The following GABRD variants were observed in gnomAD, a reference collection of about 807,000 sequenced individuals.
GABRD encodes the protein gamma-aminobutyric acid receptor subunit delta.
In GABRD, 25 loss-of-function variants were observed where a neutral mutation model predicts 47.3. The ratio of observed to expected loss-of-function variants is 0.53; its 90% CI spans 0.39 to 0.74. The LOEUF is 0.74. GABRD is among the 30% of genes least tolerant of loss of function. GABRD has a pLI of 0.00. For missense variants in GABRD, 497 were observed against 643.4 expected (o/e 0.77, Z 2.46); for synonymous variants, 314 against 278.8 (o/e 1.13, Z -1.26).
chr1:2,027,792 A>AAGCCTGGGCAGGAGGAGAAGG (rs1354688081), intron 5 of GABRD, 133 bp downstream of exon 5: 2 of 828,346 alleles, frequency 2.4e-6, no homozygotes, highest in Non-Finnish European at 4.0e-6. Flanking sequence ...TGCATGCAAG[A>AAGCCTGGGCAGGAGGAGAAGG]AGCCTGGGCA....
chr1:2,029,038 C>T, intron 6 of GABRD, 73 bp from the exon 7 acceptor site: 1 of 1,522,960 alleles, frequency 6.6e-7, no homozygotes, highest in Non-Finnish European at 8.8e-7. Flanking sequence ...CTGCCAAGCC[C>T]TGCAGCCCCT....
At chr1:2,025,168 C>T in intron 2 of GABRD, 114 bp downstream of exon 2, 2 of 1,264,790 alleles carry the variant, frequency 1.6e-6, no homozygotes, top group East Asian at 2.4e-5. Flanking sequence ...CTGGCTCTCC[C>T]CTGGGGGGCT....
At position 2,025,696 on chromosome 1, in the gene GABRD, T is replaced by C. The variant is rs1343461932; in HGVS notation, c.428T>C (p.Leu143Pro). ...CACGACGTGACGGTGGAGAACAAGC[T>C]CATCCGGCTGCAGCCCGACGGCGTG... ...WFHDVTVENK[L>P]IRLQPDGVIL... is the part of the protein sequence containing the mutation. The change falls in exon 4 of 9, where the codon CTC becomes CCC. Residue 143 changes from leucine (L) to proline (P), a missense_variant. By Grantham distance (98) the Leu-to-Pro change is moderately conservative. This residue lies in a region of GABRD where 285 missense variants were observed against 436.6 expected (regional missense o/e 0.65). Coordinates refer to ENST00000378585, the MANE Select transcript of GABRD (RefSeq NM_000815.5). 6.2e-7 allele frequency: 1 copy of C among 1,612,894 alleles called. No individual in the cohort carries two copies. The highest frequency in any genetic ancestry group is 2.2e-5 in the East Asian group (1 of 44,874).
rs368572778 is a variant in GABRD, at chr1:2,029,545, C to G, written c.848-6C>G. On this transcript the variant is annotated splice_polypyrimidine_tract_variant and splice_region_variant and intron_variant, in intron 7 of 8. Transcript: ENST00000378585. Reference sequence around the variant, plus strand: ...CTACGACAATGGCACCACCTGTGCCCGGCAGGCATCACCACGGTGCTGACG... The same window carrying G: ...CTACGACAATGGCACCACCTGTGCCGGGCAGGCATCACCACGGTGCTGACG... 6.2e-7 allele frequency: 1 copy of G among 1,612,104 alleles called. No homozygotes were observed. The highest frequency in any genetic ancestry group is 8.5e-7 in the Non-Finnish European group (1 of 1,179,934).
intron 4 of GABRD, among the ~76,000 whole-genome samples, chr1:2,026,321 CG>C (rs1228177297): frequency 6.6e-6 from 1 of 152,242 alleles, no homozygotes; most frequent in Admixed American, 6.5e-5. Flanking sequence ...CAGTGGAAGC[CG>C]GAGTCAGGGG....
chr1:2,025,600 T>A lies in GABRD; in HGVS notation c.332T>A (p.Leu111Gln). 3 of 1,613,038 alleles carry A rather than the reference T, an allele frequency of 1.9e-6. No individual in the cohort carries two copies. The highest frequency in any genetic ancestry group is 2.5e-6 in the Non-Finnish European group (3 of 1,180,008). ...AACCACACCAACGAGACCCTGGGTC[T>A]GGACAGCCGCTTCGTGGACAAGCTG... ...SYNHTNETLGLDSRFVDKLWL... is the reference protein window; with the variant it reads ...SYNHTNETLGQDSRFVDKLWL... Residue 111 changes from leucine (L) to glutamine (Q), a missense_variant, in exon 4 of 9, where the codon CTG becomes CAG. Physicochemically the swap from Leu to Gln is moderately radical, Grantham distance 113. Around this residue, in one of 3 missense-constraint regions of GABRD, gnomAD observed 285 missense variants for 436.6 expected, o/e 0.65. Coordinates refer to ENST00000378585, the MANE Select transcript of GABRD (RefSeq NM_000815.5).
rs774665033 is a variant in GABRD at position 2,025,498 on chromosome 1, C to T, written c.250-20C>T. The T allele has an allele frequency of 6.2e-7, 1 of 1,611,790 alleles. No homozygotes were observed. The highest frequency in any genetic ancestry group is 1.1e-5 in the South Asian group (1 of 91,064). ...GGGGTGGAGCAAGGCTGACCCCCGG[C>T]CCCTGTGCCACCTCCACAGGAGTAC... On this transcript the variant is annotated intron_variant, in intron 3 of 8. Coordinates refer to ENST00000378585, the MANE Select transcript of GABRD (RefSeq NM_000815.5).
chr1:2,025,586 C>T lies in GABRD; in HGVS notation c.318C>T (p.Asn106=), dbSNP rs149832567. ...GCAGGCTCTCCTACAACCACACCAA[C>T]GAGACCCTGGGTCTGGACAGCCGCT... ...RDSRLSYNHT[N]ETLGLDSRFV... is the part of the protein sequence containing the mutation. The change falls in exon 4 of 9, where the codon AAC becomes AAT. Residue 106 remains asparagine (N), a synonymous_variant. Coordinates refer to ENST00000378585, the MANE Select transcript of GABRD (RefSeq NM_000815.5). 293 of 1,613,078 alleles carry T rather than the reference C, an allele frequency of 1.8e-4. No individual in the cohort carries two copies. The highest frequency in any genetic ancestry group is 2.3e-4 in the Non-Finnish European group (277 of 1,180,004).
chr1:2,019,661 A>C (rs1229343742), intron 1 of GABRD, among the ~76,000 whole-genome samples, 170 bp downstream of exon 1: 1 of 150,112 alleles, frequency 6.7e-6, no homozygotes, highest in Non-Finnish European at 1.5e-5. Flanking sequence ...CCCTCGTTGG[A>C]CTCGCCCGGA....
rs1571022283 is a variant in GABRD at position 2,019,496 on chromosome 1, G to C, written c.68+5G>C. The C allele has an allele frequency of 9.0e-7, 1 of 1,111,650 alleles. No individual in the cohort carries two copies. Among genetic ancestry groups the C allele is most frequent in the African/African-American group, 1.7e-5 (1 of 59,446 alleles). 68.9% of individuals were successfully genotyped at this position (1,111,650 alleles called of 1,614,324 possible). Reference sequence around the variant, plus strand: ...GCAGCAGCTCCGCGGCACCAGGTGAGCGGGCGGGGTCCGCGCGGCGCGGGG... The same window carrying C: ...GCAGCAGCTCCGCGGCACCAGGTGACCGGGCGGGGTCCGCGCGGCGCGGGG... On this transcript the variant is annotated splice_donor_5th_base_variant and intron_variant, in intron 1 of 8. Coordinates refer to ENST00000378585, the MANE Select transcript of GABRD (RefSeq NM_000815.5).
intron 1 of GABRD, among the ~76,000 whole-genome samples, chr1:2,021,748 G>A (rs753631193): frequency 6.6e-6 from 1 of 152,212 alleles, no homozygotes; most frequent in East Asian, 1.9e-4. Context: ...CGCTGGTGGC[G>A]GTGCTCCTCT....
chr1:2,020,408 G>A (rs774983088), intron 1 of GABRD, among the ~76,000 whole-genome samples: 1 of 152,276 alleles, frequency 6.6e-6, no homozygotes, highest in Non-Finnish European at 1.5e-5. Flanking sequence ...AGACCGTGAA[G>A]ATGTAGATAT....
rs1659023355 is a variant in GABRD at position 2,029,490 on chromosome 1, A to G, written c.848-61A>G. ...CCTCATCCGTGGGTCACAGGCATCA[A>G]GGCTGGGATGGGGCGGCGTGAGGGC... is the stretch of plus-strand genomic sequence containing the variant. On this transcript the variant is annotated intron_variant, in intron 7 of 8. Transcript: ENST00000378585. 5.6e-6 allele frequency: 9 copies of G among 1,596,920 alleles called. No individual in the cohort carries two copies. The South Asian group carries it at 6.6e-5, about 12-fold the overall frequency.
At position 2,029,161 on chromosome 1, in the gene GABRD, G is replaced by T; in HGVS notation, c.742G>T (p.Gly248Cys). ...GCACTTCCACCTGCGGAGGAACCGC[G>T]GCGTGTACATCATCCAATCCTACAT... The part of the protein sequence containing the change: ...SLHFHLRRNR[G>C]VYIIQSYMPS... The change falls in exon 7 of 9, where the codon GGC (glycine) becomes TGC (cysteine). Residue 248 changes from glycine to cysteine, a missense_variant. By Grantham distance (159) the Gly-to-Cys change is radical. This residue lies in a region of GABRD where 285 missense variants were observed against 436.6 expected (regional missense o/e 0.65). Coordinates refer to ENST00000378585, the MANE Select transcript of GABRD (RefSeq NM_000815.5). The T allele has an allele frequency of 6.5e-7, 1 of 1,550,270 alleles. No individual in the cohort carries two copies.
At chr1:2,022,509 C>G (rs774341403) in intron 1 of GABRD, 1 of 152,276 alleles carries the variant, frequency 6.6e-6, no homozygotes, top group Non-Finnish European at 1.5e-5. Context: ...CGTGCCCCCC[C>G]ACATGTGCCA....
rs753305525 is a variant in GABRD, at chr1:2,025,691, C to T, written c.423C>T (p.Asn141=). 1 of 1,612,956 alleles carries T rather than the reference C, an allele frequency of 6.2e-7. No homozygotes were observed. The change falls in exon 4 of 9, where the codon AAC becomes AAT. Residue 141 remains asparagine, a synonymous_variant. Transcript: ENST00000378585. ...SAWFHDVTVE[N]KLIRLQPDGV... ...GGTTCCACGACGTGACGGTGGAGAA[C>T]AAGCTCATCCGGCTGCAGCCCGACG...
chr1:2,020,408 G>C (rs774983088), intron 1 of GABRD, among the ~76,000 whole-genome samples: 2 of 152,276 alleles, frequency 1.3e-5, no homozygotes, highest in African/African-American at 4.8e-5. Flanking sequence ...AGACCGTGAA[G>C]ATGTAGATAT....
At chr1:2,029,342 G>A (rs1279475079) in intron 7 of GABRD, 76 bp downstream of exon 7, 1 of 1,494,716 alleles carries the variant, frequency 6.7e-7, no homozygotes, top group African/African-American at 1.4e-5. Context: ...CCCTCGGCTG[G>A]GGGCTCAGCA....
rs1169209216 is a variant in GABRD at position 2,019,406 on chromosome 1, C to T, written c.-18C>T. 1.9e-6 allele frequency: 2 copies of T among 1,069,524 alleles called. No homozygotes were observed. The highest frequency in any genetic ancestry group is 5.2e-5 in the Admixed American group (1 of 19,052). 66.3% of individuals were successfully genotyped at this position (1,069,524 alleles called of 1,614,324 possible). A position where few individuals can be genotyped will look rare whatever the true frequency, so the allele number is the denominator to read the frequency against. On this transcript the variant is annotated 5_prime_UTR_variant, in exon 1 of 9. Transcript: ENST00000378585. ...GGAGCCAAGTTTGCGCGGACCCCGT[C>T]CCGAGCCCGCCGCGGCCATGGACGC... is the stretch of plus-strand genomic sequence containing the variant.
Sources: allele counts gnomAD v4.1 joint callset (sites outside exome capture counted in the v4.1 genomes callset), GRCh38; gene constraint gnomAD v4.1.1; regional missense constraint gnomAD v4.1.1; transcripts MANE v1.5; gene names NCBI Gene and HGNC (gene_info 2026-07-23, HGNC 2026-07-21).